Variants in TBC1D25 observed in about 807,000 individuals in gnomAD.
TBC1D25 encodes the protein 5SN3 snoRNA.
In TBC1D25, 13 loss-of-function variants were observed where a neutral mutation model predicts 38.8. The observed-to-expected ratio is 0.34, with a 90% CI of 0.22 to 0.53. The LOEUF is 0.53. Among genes scored for constraint, TBC1D25 ranks in the 20% least tolerant of loss-of-function variants. The pLI is 0.94. For synonymous variants in TBC1D25, 225 were observed against 255.6 expected (o/e 0.88, Z 1.14); for missense variants, 372 against 600.0 (o/e 0.62, Z 3.97).
intron 3 of TBC1D25, among the ~76,000 whole-genome samples, chrX:48,551,238 T>A (rs2061929449): frequency 8.9e-6 from 1 of 112,018 alleles, no homozygotes; most frequent in Admixed American, 9.5e-5. Context: ...ACTACGTGGG[T>A]TATATAAAGA....
At chrX:48,543,871 G>A (rs55855004) in intron 2 of TBC1D25, among the ~76,000 whole-genome samples, 28,438 of 94,402 alleles carry the variant, frequency 0.3, 3,649 homozygotes, top group East Asian at 0.43. Context: ...GCGACAGAGT[G>A]AGACTCCGTC....
chrX:48,553,410 T>A (rs1473640545), intron 3 of TBC1D25, among the ~76,000 whole-genome samples: 1 of 108,641 alleles, frequency 9.2e-6, no homozygotes, highest in Non-Finnish European at 1.9e-5. Flanking sequence ...AAAAATGTTT[T>A]TATTTGGCTG....
Position 48,561,325 on chromosome X carries a change from G to A in TBC1D25, c.*350G>A. ...GGAAATACTTCACTTGGTGGAGAGA[G>A]GCTCCAGCTTCCCCCTTGTGATGGG... On this transcript the variant is annotated 3_prime_UTR_variant, in exon 6 of 6. Transcript: ENST00000376771. 5.3e-6 allele frequency: 1 copy of A among 190,115 alleles called. No homozygotes were observed. The highest frequency in any genetic ancestry group is 9.6e-6 in the Non-Finnish European group (1 of 103,663). The allele number at this position is 190,115 out of a possible 1,213,427, so 15.7% of individuals were successfully genotyped here.
intron 3 of TBC1D25, among the ~76,000 whole-genome samples, chrX:48,556,503 CTCTT>C (rs1382779148): frequency 1.4e-4 from 15 of 110,782 alleles, no homozygotes; most frequent in African/African-American, 4.6e-4. Flanking sequence ...AATCTGATCT[CTCTT>C]TCTTTTCCCC....
chrX:48,541,178 C>G lies in TBC1D25; in HGVS notation c.124-155C>G, dbSNP rs2061835788. On this transcript the variant is annotated intron_variant, in intron 1 of 5. Transcript: ENST00000376771. ...GAAGGATTGGGGGCCTGAACTCTTG[C>G]AGTAGCCTCCTCCTCACTGGACCCT... 4 of 495,769 alleles carry G rather than the reference C, an allele frequency of 8.1e-6. No individual in the cohort carries two copies. In the Admixed American group the frequency reaches 9.1e-5, roughly 11 times the overall value. 40.9% of individuals were successfully genotyped at this position (495,769 alleles called of 1,213,427 possible).
intron 2 of TBC1D25, among the ~76,000 whole-genome samples, chrX:48,544,369 G>GT (rs2061866537): frequency 9.5e-6 from 1 of 105,370 alleles, no homozygotes; most frequent in South Asian, 4.4e-4. Flanking sequence ...CCAGGTTGGA[G>GT]TGCAATGCCA....
chrX:48,552,351 T>TA (rs1341951526), intron 3 of TBC1D25, among the ~76,000 whole-genome samples: 2 of 88,811 alleles, frequency 2.3e-5, no homozygotes, highest in Non-Finnish European at 4.2e-5. Flanking sequence ...CATGCCCGGC[T>TA]AATTTTTTTT....
chrX:48,541,346 T>G lies in TBC1D25; in HGVS notation c.137T>G (p.Phe46Cys). The G allele has an allele frequency of 2.5e-6, 3 of 1,211,524 alleles. No homozygotes were observed. Among genetic ancestry groups the G allele is most frequent in the South Asian group, 1.8e-5 (1 of 56,981 alleles). ...TTCTCTCCCCAGAAATGTGAGAGCT[T>G]CTTGCCGCCAGAGTTCCGCTCTTTT... Reference protein sequence around the residue: ...VRVRVKKCESFLPPEFRSFAV... With the variant: ...VRVRVKKCESCLPPEFRSFAV... Residue 46 changes from phenylalanine (F) to cysteine (C), a missense_variant, in exon 2 of 6, where the codon TTC becomes TGC. By Grantham distance (205) the Phe-to-Cys change is radical. Around this residue, in one of 2 missense-constraint regions of TBC1D25, gnomAD observed 60 missense variants for 50.7 expected, o/e 1.18. Transcript: ENST00000376771.
intron 3 of TBC1D25, among the ~76,000 whole-genome samples, chrX:48,552,029 A>G (rs1236232060): frequency 9.0e-6 from 1 of 111,026 alleles, no homozygotes; most frequent in Non-Finnish European, 1.9e-5. Context: ...TGACATTCTC[A>G]TGGCTACTAT....
At chrX:48,549,132 C>A in intron 3 of TBC1D25, among the ~76,000 whole-genome samples, 1 of 112,694 alleles carries the variant, frequency 8.9e-6, no homozygotes, top group East Asian at 2.8e-4. Context: ...CAGCCTTGAC[C>A]TCAAGCTCTC....
chrX:48,545,999 C>T (rs2147174204), intron 3 of TBC1D25, among the ~76,000 whole-genome samples: 1 of 109,581 alleles, frequency 9.1e-6, no homozygotes, highest in Admixed American at 9.8e-5. Context: ...CACCTGAAGT[C>T]AGGAGTTCGA....
chrX:48,545,973 G>A (rs1360996613), intron 3 of TBC1D25, among the ~76,000 whole-genome samples: 7 of 111,022 alleles, frequency 6.3e-5, no homozygotes, highest in Non-Finnish European at 1.3e-4. Context: ...ACTTTGGGAG[G>A]CTGAGGCAGG....
At chrX:48,544,837 G>A (rs1253316467) in intron 2 of TBC1D25, 32 bp from the exon 3 acceptor site, 3 of 1,206,637 alleles carry the variant, frequency 2.5e-6, no homozygotes, top group Non-Finnish European at 3.4e-6. Flanking sequence ...GGCACCAGGG[G>A]CCCTGAGAGC....
chrX:48,557,730 A>G (rs781820516), intron 3 of TBC1D25, among the ~76,000 whole-genome samples: 12 of 109,203 alleles, frequency 1.1e-4, no homozygotes, highest in African/African-American at 3.7e-4. Flanking sequence ...AACTGCTTGA[A>G]CCCAAAAGGT....
In TBC1D25 at chrX:48,539,874, C is replaced by T. The variant is rs928045572; in HGVS notation, c.77C>T (p.Ala26Val). The change falls in exon 1 of 6, where the codon GCG becomes GTG. Residue 26 changes from alanine to valine, a missense_variant. Physicochemically the swap from Ala to Val is moderately conservative, Grantham distance 64. This residue lies in a region of TBC1D25 where 60 missense variants were observed against 50.7 expected (regional missense o/e 1.18). Coordinates refer to ENST00000376771, the MANE Select transcript of TBC1D25 (RefSeq NM_002536.4). The stretch of plus-strand genomic sequence containing the variant: ...CCCGGTGTGGGAGCTCAGGCGGCGG[C>T]GGCCGCTGAGGAGGAGGAGCGAGAG... ...PPPGVGAQAA[A>V]AAEEEEREVV... The T allele has an allele frequency of 1.1e-5, 11 of 962,014 alleles. No homozygotes were observed. Among genetic ancestry groups the T allele is most frequent in the Non-Finnish European group, 1.4e-5 (11 of 766,036 alleles). The allele number at this position is 962,014 out of a possible 1,213,427, so 79.3% of individuals were successfully genotyped here.
At chrX:48,541,915 A>AT (rs1291336182) in intron 2 of TBC1D25, among the ~76,000 whole-genome samples, 1 of 111,179 alleles carries the variant, frequency 9.0e-6, no homozygotes, top group East Asian at 2.8e-4. Flanking sequence ...GTGTTAGATG[A>AT]TTTTCCCAAC....
chrX:48,551,360 A>G (rs1405720080), intron 3 of TBC1D25, among the ~76,000 whole-genome samples: 1 of 110,557 alleles, frequency 9.0e-6, no homozygotes, highest in Non-Finnish European at 1.9e-5. Context: ...TTTTTGAGAC[A>G]CTCTGTTGCC....
In TBC1D25 at chrX:48,545,008, C is replaced by T; in HGVS notation, c.373C>T (p.Arg125Trp). Residue 125 changes from arginine to tryptophan, a missense_variant, in exon 3 of 6, where the codon CGG (arginine) becomes TGG (tryptophan). This residue lies in a region of TBC1D25 where 312 missense variants were observed against 549.3 expected (regional missense o/e 0.57). Transcript: ENST00000376771. ...TTACCTGCAATTGCGTGTAGATATT[C>T]GGCCCTCGGAGGACAGTGAGTACTC... is the stretch of plus-strand genomic sequence containing the variant. The part of the protein sequence containing the change: ...KPYLQLRVDI[R>W]PSEDSPLLED... 3 of 1,206,618 alleles carry T rather than the reference C, an allele frequency of 2.5e-6. No individual in the cohort carries two copies. The highest frequency in any genetic ancestry group is 3.0e-5 in the East Asian group (1 of 33,604).
chrX:48,558,755 A>G, intron 3 of TBC1D25, 142 bp from the exon 4 acceptor site: 4 of 792,638 alleles, frequency 5.0e-6, no homozygotes, highest in Non-Finnish European at 7.1e-6. Context: ...TGTTTTTTAC[A>G]TGATTTGGAT....
Sources: gnomAD v4.1 joint callset for allele counts (sites outside exome capture counted in the v4.1 genomes callset) on GRCh38, gnomAD v4.1.1 for gene constraint, gnomAD v4.1.1 regional missense constraint, MANE v1.5 for transcripts, NCBI Gene and HGNC (gene_info 2026-07-23, HGNC 2026-07-21) for gene names.